The following PAFAH1B2 variants were observed in gnomAD, a reference collection of about 807,000 sequenced individuals.
PAFAH1B2 encodes the protein platelet-activating factor acetylhydrolase IB subunit alpha2.
In PAFAH1B2, 8 loss-of-function variants were observed where a neutral mutation model predicts 28.0. That is an observed-to-expected ratio of 0.29 (90% CI 0.17 to 0.52). The LOEUF is 0.52. Ranked by LOEUF, PAFAH1B2 falls within the 20% of genes least tolerant of loss-of-function variation. The probability of loss-of-function intolerance (pLI) is 0.97; values close to 1 mark genes in which losing one functional copy is unlikely to be tolerated. For missense variants in PAFAH1B2, 190 were observed against 282.6 expected (o/e 0.67, Z 2.35); for synonymous variants, 104 against 103.2 (o/e 1.01, Z -0.05).
intron 2 of PAFAH1B2, among the ~76,000 whole-genome samples, chr11:117,154,137 C>T (rs923998611): frequency 3.3e-5 from 5 of 151,666 alleles, no homozygotes; most frequent in Non-Finnish European, 5.9e-5. Flanking sequence ...AGAAGTATAC[C>T]ACAGTTGATT....
intron 1 of PAFAH1B2, among the ~76,000 whole-genome samples, chr11:117,150,812 C>A (rs1226529452): frequency 6.6e-6 from 1 of 151,818 alleles, no homozygotes. Flanking sequence ...ACGGTGAAAC[C>A]CCGTCTCTAC....
At chr11:117,152,808 C>T (rs1206025931) in intron 2 of PAFAH1B2, among the ~76,000 whole-genome samples, 4 of 152,220 alleles carry the variant, frequency 2.6e-5, no homozygotes, top group African/African-American at 9.6e-5. Context: ...CATGGTGGCT[C>T]ACGCCTATAA....
chr11:117,174,826 G>C (rs1043059087), downstream of PAFAH1B2: 3 of 982,712 alleles, frequency 3.1e-6, no homozygotes, highest in African/African-American at 5.0e-5. Context: ...TGTTGGCCAG[G>C]CTGGTCTCAA....
intron 1 of PAFAH1B2, among the ~76,000 whole-genome samples, chr11:117,145,230 G>C (rs1955970893): frequency 1.3e-5 from 2 of 152,126 alleles, no homozygotes; most frequent in Admixed American, 1.3e-4. Flanking sequence ...GTGCCTTCTG[G>C]TCTACAGGTT....
intron 2 of PAFAH1B2, among the ~76,000 whole-genome samples, chr11:117,153,473 C>A (rs948609155): frequency 6.6e-6 from 1 of 152,122 alleles, no homozygotes; most frequent in Non-Finnish European, 1.5e-5. Flanking sequence ...CCTCCACCCC[C>A]CTGCCACCCT....
At chr11:117,160,058 A>G (rs774748050) in intron 3 of PAFAH1B2, 35 bp downstream of exon 3, 1 of 1,370,224 alleles carries the variant, frequency 7.3e-7, no homozygotes, top group East Asian at 2.3e-5. Flanking sequence ...GTTCTTGGCT[A>G]CTCATGTATA....
chr11:117,163,751 C>A lies in PAFAH1B2; in HGVS notation c.289-19C>A. On this transcript the variant is annotated intron_variant, in intron 4 of 5. Transcript: ENST00000527958. ...TGGGTATTTATCTTCTCCTTCCCCCCTTTTTTCTTCAATTGCAGGTCATTG... is the reference window on the plus strand; with the variant it reads ...TGGGTATTTATCTTCTCCTTCCCCCATTTTTTCTTCAATTGCAGGTCATTG... 2 of 1,611,646 alleles carry A rather than the reference C, an allele frequency of 1.2e-6. No individual in the cohort carries two copies. The highest frequency in any genetic ancestry group is 1.7e-6 in the Non-Finnish European group (2 of 1,178,714).
intron 2 of PAFAH1B2, 43 bp downstream of exon 2, chr11:117,152,571 C>T: frequency 7.2e-7 from 1 of 1,381,762 alleles, no homozygotes; most frequent in Non-Finnish European, 1.0e-6. Context: ...AGTTGAGTCT[C>T]CAGTTTTTTG....
intron 2 of PAFAH1B2, chr11:117,159,294 C>G (rs1956318835): frequency 6.6e-6 from 1 of 152,076 alleles, no homozygotes; most frequent in Non-Finnish European, 1.5e-5. Context: ...GAAGAAAGTT[C>G]AAACAGTAAT....
intron 2 of PAFAH1B2, among the ~76,000 whole-genome samples, chr11:117,156,501 T>G (rs1420523217): frequency 6.6e-6 from 1 of 152,130 alleles, no homozygotes; most frequent in South Asian, 2.1e-4. Context: ...GCTTAAACTA[T>G]GTAAAAGGGG....
chr11:117,152,195 T>C (rs1167293063), intron 1 of PAFAH1B2, among the ~76,000 whole-genome samples: 1 of 152,236 alleles, frequency 6.6e-6, no homozygotes, highest in African/African-American at 2.4e-5. Context: ...TTTTTAAATG[T>C]ACTGCACTGC....
intron 1 of PAFAH1B2, among the ~76,000 whole-genome samples, chr11:117,149,179 A>G (rs1365612858): frequency 6.6e-6 from 1 of 150,820 alleles, no homozygotes; most frequent in Non-Finnish European, 1.5e-5. Flanking sequence ...CACTGCGCCC[A>G]GCCCAAGCAA....
chr11:117,149,681 C>T (rs1430452696), intron 1 of PAFAH1B2, among the ~76,000 whole-genome samples: 1 of 151,716 alleles, frequency 6.6e-6, no homozygotes, highest in Non-Finnish European at 1.5e-5. Flanking sequence ...ATCTGCCTGC[C>T]TCGGCCTCCC....
In PAFAH1B2 at chr11:117,168,446, G is replaced by GTTTTTTGTTTT. The variant is rs1956565765; in HGVS notation, c.*753_*754insGTTTTTTTTTT. ...TCCCCTTCATTCCCCCCGCCACCCC[G>GTTTTTTGTTTT]TTTTTTTTTTTTTTTTTTTTTTTTT... On this transcript the variant is annotated 3_prime_UTR_variant, in exon 6 of 6. Transcript: ENST00000527958. The GTTTTTTGTTTT allele has an allele frequency of 2.3e-4, 54 of 235,914 alleles. No individual in the cohort carries two copies. Among genetic ancestry groups the GTTTTTTGTTTT allele is most frequent in the Non-Finnish European group, 2.4e-4 (48 of 201,178 alleles). 14.6% of individuals were successfully genotyped at this position (235,914 alleles called of 1,614,324 possible).
In PAFAH1B2 at chr11:117,170,147, C is replaced by A; in HGVS notation, c.*2448C>A. On this transcript the variant is annotated 3_prime_UTR_variant, in exon 6 of 6. Transcript: ENST00000527958. ...AGGTAAAAATAGTTAATCTATTTTT[C>A]TTTGACATCCTAGTTTGCGTCAGTG... The A allele has an allele frequency of 7.6e-6, 8 of 1,054,318 alleles. No individual in the cohort carries two copies. The highest frequency in any genetic ancestry group is 8.0e-6 in the Non-Finnish European group (7 of 872,376). 65.3% of individuals were successfully genotyped at this position (1,054,318 alleles called of 1,614,324 possible).
intron 4 of PAFAH1B2, among the ~76,000 whole-genome samples, 163 bp from the exon 5 acceptor site, chr11:117,163,606 GA>G (rs1956426944): frequency 6.6e-6 from 1 of 151,808 alleles, no homozygotes; most frequent in African/African-American, 2.4e-5. Flanking sequence ...CTGGGAGGCG[GA>G]GGTTGCAGTG....
Position 117,169,824 on chromosome 11 carries a change from G to C in PAFAH1B2, c.*2125G>C, listed in dbSNP as rs188141473. On this transcript the variant is annotated 3_prime_UTR_variant, in exon 6 of 6. Coordinates refer to ENST00000527958, the MANE Select transcript of PAFAH1B2 (RefSeq NM_002572.4). Reference sequence around the variant, plus strand: ...TGTGGAAAGACAGTTTTCTATCCACGTCTTTTTCTGTTTGTCAGAAGGTGG... The same window carrying C: ...TGTGGAAAGACAGTTTTCTATCCACCTCTTTTTCTGTTTGTCAGAAGGTGG... 17 of 1,054,828 alleles carry C rather than the reference G, an allele frequency of 1.6e-5. No individual in the cohort carries two copies. In the East Asian group the frequency reaches 7.5e-4, roughly 47 times the overall value. 65.3% of individuals were successfully genotyped at this position (1,054,828 alleles called of 1,614,324 possible). A position where few individuals can be genotyped will look rare whatever the true frequency, so the allele number is the denominator to read the frequency against.
rs11540098 is a variant in PAFAH1B2 at position 117,168,779 on chromosome 11, T to G, written c.*1080T>G. On this transcript the variant is annotated 3_prime_UTR_variant, in exon 6 of 6. Coordinates refer to ENST00000527958, the MANE Select transcript of PAFAH1B2 (RefSeq NM_002572.4). ...TAAGGTGTATATTTTATTTTTTTTATTGGCTTAGTTGTTTTTTGTTTTGTT... is the reference window on the plus strand; with the variant it reads ...TAAGGTGTATATTTTATTTTTTTTAGTGGCTTAGTTGTTTTTTGTTTTGTT... 2 of 995,272 alleles carry G rather than the reference T, an allele frequency of 2.0e-6. No individual in the cohort carries two copies. Among genetic ancestry groups the G allele is most frequent in the African/African-American group, 3.4e-5 (2 of 58,786 alleles). 61.7% of individuals were successfully genotyped at this position (995,272 alleles called of 1,614,324 possible).
chr11:117,149,430 G>GTTTTTTTTTTTTTTTTTTTTTTTTTTTT lies in PAFAH1B2; in HGVS notation c.-7-2997_-7-2996insTTTTTTTTTTTTTTTTTTTTTTTTTTTT, dbSNP rs746125678. On this transcript the variant is annotated intron_variant, in intron 1 of 5. Transcript: ENST00000527958. ...TTAATTTAAAAAAAGTTTTCTAATC[G>GTTTTTTTTTTTTTTTTTTTTTTTTTTTT]TTTTTTTTTTTTTTGAGATGGAGTC... is the stretch of plus-strand genomic sequence containing the variant. Among the ~76,000 whole-genome samples, 2 of 86,050 alleles carry GTTTTTTTTTTTTTTTTTTTTTTTTTTTT rather than the reference G, an allele frequency of 2.3e-5. 1 individual carries two copies. The highest frequency in any genetic ancestry group is 4.3e-5 in the Non-Finnish European group (2 of 46,486). 56.5% of individuals were successfully genotyped at this position (86,050 alleles called of 152,430 possible). A position where few individuals can be genotyped will look rare whatever the true frequency, so the allele number is the denominator to read the frequency against.
Sources: gnomAD v4.1 joint callset for allele counts (sites outside exome capture counted in the v4.1 genomes callset) on GRCh38, gnomAD v4.1.1 for gene constraint, MANE v1.5 for transcripts, NCBI Gene and HGNC (gene_info 2026-07-23, HGNC 2026-07-21) for gene names.